SORCS2: variants seen among roughly 807,000 people sequenced by gnomAD.
SORCS2 encodes the protein sortilin related VPS10 domain containing receptor 2.
SORCS2 carries 100 observed loss-of-function variants against 141.6 expected under a neutral mutation model. The ratio of observed to expected loss-of-function variants is 0.71; its 90% CI spans 0.60 to 0.83. The LOEUF (loss-of-function observed/expected upper bound fraction) is 0.83, where lower values mean the gene tolerates loss of function less well. SORCS2 is among the 40% of genes least tolerant of loss of function. The pLI is 0.00. For missense variants in SORCS2, 1,646 were observed against 1,560.2 expected, an observed-to-expected ratio of 1.05 and a Z score of -0.93; for synonymous variants, 789 against 676.9, an observed-to-expected ratio of 1.17 and a Z score of -2.57.
chr4:7,707,740 G>A (rs146017558), intron 14 of SORCS2, among the ~76,000 whole-genome samples: 1 of 152,232 alleles, frequency 6.6e-6, no homozygotes, highest in African/African-American at 2.4e-5. Flanking sequence ...GGCGCTTGAT[G>A]CTCAGTGAAT....
At chr4:7,526,074 A>AG (rs1560356717) in intron 2 of SORCS2, among the ~76,000 whole-genome samples, 15 of 142,918 alleles carry the variant, frequency 1.0e-4, no homozygotes, top group African/African-American at 4.1e-4. Flanking sequence ...CCCACCTGCA[A>AG]CTGCAGCACT....
intron 3 of SORCS2, among the ~76,000 whole-genome samples, chr4:7,630,169 G>A (rs532587740): frequency 2.0e-5 from 3 of 152,236 alleles, no homozygotes; most frequent in African/African-American, 7.2e-5. Flanking sequence ...GGGTGTGGTG[G>A]GCCTCTGGGA....
intron 1 of SORCS2, among the ~76,000 whole-genome samples, chr4:7,221,767 G>T (rs907962770): frequency 4.6e-5 from 7 of 152,240 alleles, no homozygotes; most frequent in African/African-American, 1.7e-4. Flanking sequence ...GGAGGCCCAG[G>T]CAGGCTTCCT....
chr4:7,265,497 T>C (rs1285070507), intron 1 of SORCS2, among the ~76,000 whole-genome samples: 1 of 149,108 alleles, frequency 6.7e-6, no homozygotes, highest in African/African-American at 2.5e-5. Flanking sequence ...CTCAAAAAAA[T>C]AAATAAAAGC....
At chr4:7,436,705 C>A (rs990492515) in intron 2 of SORCS2, among the ~76,000 whole-genome samples, 1 of 152,158 alleles carries the variant, frequency 6.6e-6, no homozygotes, top group Non-Finnish European at 1.5e-5. Context: ...CCCACTGGGC[C>A]CTGGGTGTGT....
At chr4:7,520,595 T>G (rs1360709649) in intron 2 of SORCS2, among the ~76,000 whole-genome samples, 3 of 152,146 alleles carry the variant, frequency 2.0e-5, no homozygotes, top group Admixed American at 2.0e-4. Context: ...AACCCACATG[T>G]GGAAGGGCTG....
chr4:7,722,067 C>T (rs1435074192), intron 18 of SORCS2, among the ~76,000 whole-genome samples: 1 of 152,174 alleles, frequency 6.6e-6, no homozygotes, highest in Non-Finnish European at 1.5e-5. Context: ...GAGAAAAAGA[C>T]AAGTTATTTT....
chr4:7,731,156 C>A (rs1249564061), intron 23 of SORCS2, among the ~76,000 whole-genome samples: 1 of 152,184 alleles, frequency 6.6e-6, no homozygotes, highest in Non-Finnish European at 1.5e-5. Context: ...AACAATCCCA[C>A]TAACAATAGC....
At chr4:7,477,958 T>C (rs1257910457) in intron 2 of SORCS2, among the ~76,000 whole-genome samples, 2 of 152,154 alleles carry the variant, frequency 1.3e-5, no homozygotes, top group African/African-American at 4.8e-5. Context: ...ACACCTGCCC[T>C]CAGATGTGTG....
At chr4:7,552,403 G>A (rs1408443650) in intron 3 of SORCS2, among the ~76,000 whole-genome samples, 3 of 152,206 alleles carry the variant, frequency 2.0e-5, no homozygotes, top group African/African-American at 4.8e-5. Flanking sequence ...GGACCAGGAT[G>A]TGGAGGGCTG....
intron 3 of SORCS2, among the ~76,000 whole-genome samples, chr4:7,619,625 G>T (rs1719017781): frequency 6.6e-6 from 1 of 152,120 alleles, no homozygotes; most frequent in Non-Finnish European, 1.5e-5. Flanking sequence ...TGCCTCCTTG[G>T]GTGCCAGTGT....
At chr4:7,448,163 G>A (rs982168655) in intron 2 of SORCS2, among the ~76,000 whole-genome samples, 2 of 152,136 alleles carry the variant, frequency 1.3e-5, no homozygotes, top group Non-Finnish European at 2.9e-5. Flanking sequence ...GTTGTGTTTC[G>A]TGCCCCCCAC....
intron 1 of SORCS2, among the ~76,000 whole-genome samples, chr4:7,217,791 C>T (rs1457816047): frequency 6.6e-6 from 1 of 152,160 alleles, no homozygotes; most frequent in Non-Finnish European, 1.5e-5. Context: ...ACGTGGGAAG[C>T]CTGTGGGGTG....
At chr4:7,654,432 GA>G (rs1224139649) in intron 5 of SORCS2, among the ~76,000 whole-genome samples, 3 of 152,206 alleles carry the variant, frequency 2.0e-5, no homozygotes, top group South Asian at 4.1e-4. Context: ...GGTGGTATCA[GA>G]AATCGTAGAG....
chr4:7,252,992 T>C (rs976250796), intron 1 of SORCS2, among the ~76,000 whole-genome samples: 5 of 152,238 alleles, frequency 3.3e-5, no homozygotes, highest in Admixed American at 1.3e-4. Flanking sequence ...GAGCCAGCAT[T>C]TGGGACAGAG....
intron 2 of SORCS2, among the ~76,000 whole-genome samples, chr4:7,471,789 G>A (rs4266295): frequency 0.81 from 122,582 of 152,258 alleles, 50,425 homozygotes; most frequent in Non-Finnish European, 0.91. Context: ...CTGCTTTGGA[G>A]GTGATGTCTG....
chr4:7,396,182 T>C, intron 1 of SORCS2, 106 bp from the exon 2 acceptor site: 1 of 1,042,096 alleles, frequency 9.6e-7, no homozygotes, highest in Non-Finnish European at 1.4e-6. Context: ...TGGGCGGCTG[T>C]TATTTAGAGA....
At chr4:7,698,840 G>C (rs1724870453) in intron 12 of SORCS2, among the ~76,000 whole-genome samples, 1 of 141,788 alleles carries the variant, frequency 7.1e-6, no homozygotes, top group African/African-American at 2.7e-5. Context: ...GGGAGGGAGA[G>C]ATGCTCCTGT....
At position 7,661,533 on chromosome 4, in the gene SORCS2, G is replaced by T. The variant is rs374345968; in HGVS notation, c.921G>T (p.Leu307Phe). 20 of 1,551,732 alleles carry T rather than the reference G, an allele frequency of 1.3e-5. No individual in the cohort carries two copies. In the East Asian group the frequency reaches 4.4e-4, roughly 34 times the overall value. ...CTGGGGTGGACGCTGACCCTGACTT[G>T]GTCCACGTGGAAGCCCAAGACCTCG... ...SVSGVDADPD[L>F]VHVEAQDLGG... Residue 307 changes from leucine to phenylalanine, a missense_variant, in exon 6 of 27, where the codon TTG becomes TTT. Leu to Phe is a conservative substitution (Grantham distance 22). Coordinates refer to ENST00000507866, the MANE Select transcript of SORCS2 (RefSeq NM_020777.3).
Sources: allele counts gnomAD v4.1 joint callset (sites outside exome capture counted in the v4.1 genomes callset), GRCh38; gene constraint gnomAD v4.1.1; transcripts MANE v1.5; gene names NCBI Gene and HGNC (gene_info 2026-07-23, HGNC 2026-07-21).